The following NFIC variants were observed in gnomAD, a reference collection of about 807,000 sequenced individuals.
The protein encoded by NFIC is nuclear factor 1 C-type.
In NFIC, 12 loss-of-function variants were observed where a neutral mutation model predicts 54.4. The ratio of observed to expected loss-of-function variants is 0.22; its 90% CI spans 0.14 to 0.36. The LOEUF (loss-of-function observed/expected upper bound fraction) is 0.36. Ranked by LOEUF, NFIC falls within the 10% of genes least tolerant of loss-of-function variation. The pLI, the probability that NFIC is intolerant of heterozygous loss-of-function variation, is 1.00. For missense variants in NFIC, 575 were observed against 718.2 expected (o/e 0.80, Z 2.28); for synonymous variants, 322 against 319.2 (o/e 1.01, Z -0.09).
chr19:3,451,960 T>TA (rs550691351), intron 7 of NFIC, among the ~76,000 whole-genome samples: 16 of 151,892 alleles, frequency 1.1e-4, no homozygotes, highest in Middle Eastern at 3.4e-3. Flanking sequence ...CTACTAAAAA[T>TA]ACAAAAGTTA....
chr19:3,405,156 G>A (rs2081626979), intron 2 of NFIC, among the ~76,000 whole-genome samples: 2 of 152,368 alleles, frequency 1.3e-5, no homozygotes, highest in South Asian at 2.1e-4. Flanking sequence ...CCGGCGGCAG[G>A]GGAGAGGGAG....
Position 3,463,193 on chromosome 19 carries a change from C to T in NFIC, c.*424C>T, listed in dbSNP as rs371877071. 5.8e-6 allele frequency: 6 copies of T among 1,040,198 alleles called. No homozygotes were observed. The highest frequency in any genetic ancestry group is 4.6e-6 in the Non-Finnish European group (4 of 865,838). The allele number at this position is 1,040,198 out of a possible 1,614,324, so 64.4% of individuals were successfully genotyped here. On this transcript the variant is annotated 3_prime_UTR_variant, in exon 11 of 11. Transcript: ENST00000443272. ...GCGCCCCGGAGGCCCTGGCTCTGTC[C>T]GGAGACCAGGTGAGCACAGCCTGGA...
intron 6 of NFIC, among the ~76,000 whole-genome samples, chr19:3,436,772 G>A (rs1182030802): frequency 6.6e-6 from 1 of 152,114 alleles, no homozygotes; most frequent in East Asian, 1.9e-4. Context: ...ACTGCTCCCG[G>A]CCACCTGTAG....
chr19:3,363,263 ATATATATTTTTT>A (rs1324153373), upstream of NFIC, among the ~76,000 whole-genome samples: 4 of 60,938 alleles, frequency 6.6e-5, no homozygotes, highest in African/African-American at 3.2e-4. Context: ...ATATATATAT[ATATATATTTTTT>A]TTTTTTTTTT....
At chr19:3,384,947 G>A (rs1424881551) in intron 2 of NFIC, among the ~76,000 whole-genome samples, 5 of 123,728 alleles carry the variant, frequency 4.0e-5, no homozygotes, top group South Asian at 2.5e-4. Context: ...CACCTCCTCC[G>A]TGCTGAGCTG....
At chr19:3,461,107 A>G (rs1015864573) in intron 10 of NFIC, among the ~76,000 whole-genome samples, 5 of 149,440 alleles carry the variant, frequency 3.3e-5, no homozygotes, top group Non-Finnish European at 5.9e-5. Context: ...CCTGGTGACA[A>G]GAGCGTGACG....
intron 6 of NFIC, among the ~76,000 whole-genome samples, chr19:3,436,813 A>G (rs1470877973): frequency 6.6e-6 from 1 of 152,048 alleles, no homozygotes; most frequent in African/African-American, 2.4e-5. Flanking sequence ...CATTAGGATT[A>G]AGAGGTCAGA....
At chr19:3,427,493 G>A (rs1193535380) in intron 3 of NFIC, among the ~76,000 whole-genome samples, 2 of 152,056 alleles carry the variant, frequency 1.3e-5, no homozygotes, top group African/African-American at 4.8e-5. Context: ...GAGAGAAGAA[G>A]ACAAGAGAGG....
intron 3 of NFIC, among the ~76,000 whole-genome samples, chr19:3,429,433 A>C (rs987534969): frequency 6.6e-6 from 1 of 151,730 alleles, no homozygotes; most frequent in Non-Finnish European, 1.5e-5. Context: ...AATAATAATA[A>C]TACAAAAATT....
intron 3 of NFIC, among the ~76,000 whole-genome samples, chr19:3,432,178 C>T (rs567996664): frequency 2.6e-5 from 4 of 152,304 alleles, no homozygotes; most frequent in South Asian, 4.1e-4. Context: ...CCCGACCTCT[C>T]GGGGACAACT....
At position 3,435,154 on chromosome 19, in the gene NFIC, C is replaced by T. The variant is rs1277444769; in HGVS notation, c.905C>T (p.Ser302Leu). Residue 302 changes from serine to leucine, a missense_variant, in exon 6 of 11, where the codon TCG (serine) becomes TTG (leucine). Transcript: ENST00000443272. Reference sequence around the variant, plus strand: ...AGCCCTGGCGGCGATTACTACACTTCGCCCAGCTCGCCCACGAGTAGCAGC... The same window carrying T: ...AGCCCTGGCGGCGATTACTACACTTTGCCCAGCTCGCCCACGAGTAGCAGC... ...DTSPGGDYYT[S>L]PSSPTSSSRN... 1.7e-5 allele frequency: 28 copies of T among 1,604,486 alleles called. No homozygotes were observed. Among genetic ancestry groups the T allele is most frequent in the Non-Finnish European group, 2.4e-5 (28 of 1,176,512 alleles).
chr19:3,434,487 C>G, intron 5 of NFIC, 87 bp downstream of exon 5: 1 of 1,457,174 alleles, frequency 6.9e-7, no homozygotes, highest in Non-Finnish European at 9.1e-7. Flanking sequence ...CATTCCTCTC[C>G]CTGGAATACC....
rs541289971 is a variant in NFIC at position 3,464,604 on chromosome 19, G to A, written c.*1835G>A. ...ACCACTGCCCCCTCCCCCGACCCAG[G>A]CCAAAGCCAGGGCAGGTCTCCGGGT... On this transcript the variant is annotated 3_prime_UTR_variant, in exon 11 of 11. Coordinates refer to ENST00000443272, the MANE Select transcript of NFIC (RefSeq NM_001245002.2). 5.5e-5 allele frequency: 53 copies of A among 956,876 alleles called. No homozygotes were observed. The highest frequency in any genetic ancestry group is 5.4e-4 in the Middle Eastern group (1 of 1,866). The allele number at this position is 956,876 out of a possible 1,614,324, so 59.3% of individuals were successfully genotyped here.
intron 2 of NFIC, among the ~76,000 whole-genome samples, chr19:3,409,871 G>C (rs375494149): frequency 6.6e-6 from 1 of 152,214 alleles, no homozygotes; most frequent in Non-Finnish European, 1.5e-5. Flanking sequence ...GACCTGGGAA[G>C]TCAAGAGACC....
At chr19:3,364,339 A>G (rs561950256), upstream of NFIC, among the ~76,000 whole-genome samples, 1 of 152,228 alleles carries the variant, frequency 6.6e-6, no homozygotes, top group East Asian at 1.9e-4. Flanking sequence ...TACAACCTGG[A>G]GGGTTATGAG....
chr19:3,416,466 C>A (rs1339235809), intron 2 of NFIC, among the ~76,000 whole-genome samples: 1 of 150,600 alleles, frequency 6.6e-6, no homozygotes, highest in Non-Finnish European at 1.5e-5. Flanking sequence ...ATTTAATATA[C>A]AAATATATTT....
chr19:3,394,611 G>C (rs1303931270), intron 2 of NFIC, among the ~76,000 whole-genome samples: 1 of 143,516 alleles, frequency 7.0e-6, no homozygotes, highest in East Asian at 2.1e-4. Flanking sequence ...CTGCTGTATT[G>C]GGCAGGCCGT....
At position 3,385,167 on chromosome 19, in the gene NFIC, C is replaced by G. The variant is rs866392540; in HGVS notation, c.562+2924C>G. On this transcript the variant is annotated intron_variant, in intron 2 of 10. Coordinates refer to ENST00000443272, the MANE Select transcript of NFIC (RefSeq NM_001245002.2). The stretch of plus-strand genomic sequence containing the variant: ...CCCTGCTTCAATTGGCCCCAGCAGG[C>G]CACACCCTCCCCCAATTGGCCCCAG... 2.7e-5 allele frequency among the ~76,000 whole-genome samples: 4 copies of G among 149,880 alleles called. No homozygotes were observed. The South Asian group carries it at 8.5e-4, about 32-fold the overall frequency.
intron 1 of NFIC, among the ~76,000 whole-genome samples, chr19:3,360,667 G>A (rs2080799421): frequency 6.6e-6 from 1 of 152,234 alleles, no homozygotes; most frequent in Non-Finnish European, 1.5e-5. Flanking sequence ...CGCGTGTTGT[G>A]TTGTGAGCGC....
Sources: gnomAD v4.1 joint callset for allele counts (sites outside exome capture counted in the v4.1 genomes callset) on GRCh38, gnomAD v4.1.1 for gene constraint, MANE v1.5 for transcripts, NCBI Gene and HGNC (gene_info 2026-07-23, HGNC 2026-07-21) for gene names.